The following RAP1GAP2 variants were observed in gnomAD, a reference collection of about 807,000 sequenced individuals.
RAP1GAP2 encodes rap1 GTPase-activating protein 2.
Under a neutral mutation model 95.0 loss-of-function variants are expected in RAP1GAP2, and 27 were observed. The observed-to-expected ratio is 0.28, with a 90% CI of 0.21 to 0.39. The LOEUF is 0.39. RAP1GAP2 is among the 10% of genes least tolerant of loss of function. The probability of loss-of-function intolerance (pLI) is 1.00; values close to 1 mark genes in which losing one functional copy is unlikely to be tolerated. For synonymous variants in RAP1GAP2, 373 were observed against 380.9 expected, an observed-to-expected ratio of 0.98 and a Z score of 0.24; for missense variants, 771 against 970.0, an observed-to-expected ratio of 0.79 and a Z score of 2.72.
At chr17:2,930,653 C>T (rs1456426348) in intron 3 of RAP1GAP2, among the ~76,000 whole-genome samples, 1 of 152,224 alleles carries the variant, frequency 6.6e-6, no homozygotes, top group Non-Finnish European at 1.5e-5. Context: ...GGTAGAAAAG[C>T]TGTCGGATTG....
At position 3,035,486 on chromosome 17, in the gene RAP1GAP2, C is replaced by T. The variant is rs2047444747; in HGVS notation, c.*2125C>T. On this transcript the variant is annotated 3_prime_UTR_variant, in exon 25 of 25. Transcript: ENST00000254695. The surrounding 1 kb of genome is among the most constrained non-coding windows in gnomAD (Gnocchi z 4.3). ...CACTGCGCTGGCTGACCCTTGCTGC[C>T]TGCTGCCTCTTGGGAGGGCTTTGTC... 1 of 152,612 alleles carries T rather than the reference C, an allele frequency of 6.6e-6. No individual in the cohort carries two copies. The highest frequency in any genetic ancestry group is 6.5e-5 in the Admixed American group (1 of 15,290). The allele number at this position is 152,612 out of a possible 1,614,324, so 9.5% of individuals were successfully genotyped here.
upstream of RAP1GAP2, among the ~76,000 whole-genome samples, chr17:2,793,361 C>A (rs1245075438): frequency 6.6e-6 from 1 of 152,156 alleles, no homozygotes; most frequent in Non-Finnish European, 1.5e-5. Flanking sequence ...ACCATGTTGG[C>A]CAGGCTGGTC....
At chr17:2,811,211 C>T (rs927974510) in intron 2 of RAP1GAP2, among the ~76,000 whole-genome samples, 6 of 152,120 alleles carry the variant, frequency 3.9e-5, no homozygotes, top group Non-Finnish European at 8.8e-5. Context: ...TGATCTTTGT[C>T]GGAAGGGTTC....
chr17:2,801,565 G>T (rs549718267), intron 2 of RAP1GAP2, among the ~76,000 whole-genome samples: 108 of 150,264 alleles, frequency 7.2e-4, no homozygotes, highest in African/African-American at 2.5e-3. Flanking sequence ...GACATTCCCC[G>T]CCTACTAGGA....
chr17:2,957,965 G>T (rs560807545), intron 4 of RAP1GAP2, among the ~76,000 whole-genome samples, 171 bp downstream of exon 4: 24 of 152,232 alleles, frequency 1.6e-4, no homozygotes, highest in South Asian at 4.2e-4. Flanking sequence ...GCTGTTGAGG[G>T]GTACGGAGCA....
chr17:2,843,944 A>G (rs1487991211), intron 2 of RAP1GAP2, among the ~76,000 whole-genome samples: 7 of 152,074 alleles, frequency 4.6e-5, no homozygotes, highest in Non-Finnish European at 8.8e-5. Flanking sequence ...GCGGGGGTGG[A>G]GGAAATGGAC....
Position 2,862,001 on chromosome 17 carries a change from T to C in RAP1GAP2, c.81-43283T>C, listed in dbSNP as rs150788316. On this transcript the variant is annotated intron_variant, in intron 2 of 24. Coordinates refer to ENST00000254695, the MANE Select transcript of RAP1GAP2 (RefSeq NM_015085.5). ...TCAGCGCCCTTTCTTTTGTCTGAGA[T>C]TGGGGACTGTCTCCCTTCTCTCTCC... Among the ~76,000 whole-genome samples, 5 of 152,304 alleles carry C rather than the reference T, an allele frequency of 3.3e-5. No homozygotes were observed. In the East Asian group the frequency reaches 7.7e-4, roughly 24 times the overall value.
chr17:3,026,921 G>T, intron 21 of RAP1GAP2, 23 bp from the exon 22 acceptor site: 1 of 1,546,324 alleles, frequency 6.5e-7, no homozygotes, highest in Non-Finnish European at 8.7e-7. Context: ...GGCTGGCCTC[G>T]CTCACCCTGC....
chr17:2,800,775 G>A (rs898295624), intron 2 of RAP1GAP2, among the ~76,000 whole-genome samples: 6 of 152,008 alleles, frequency 3.9e-5, no homozygotes, highest in Admixed American at 6.6e-5. Context: ...GGGCTAGAAT[G>A]GTGGGAGTGT....
chr17:2,996,280 C>G (rs531633068), intron 13 of RAP1GAP2, among the ~76,000 whole-genome samples: 1 of 152,218 alleles, frequency 6.6e-6, no homozygotes, highest in Non-Finnish European at 1.5e-5. Flanking sequence ...GCTGCTCTGA[C>G]AGCCGTGCAT....
In RAP1GAP2 at chr17:2,845,637, C is replaced by T. The variant is rs903106128; in HGVS notation, c.80+45087C>T. Reference sequence around the variant, plus strand: ...CAGCACTTTGAGAGGCTGAGGCGGGCGGATCATGAGGTCAGGAGTTCGAGA... The same window carrying T: ...CAGCACTTTGAGAGGCTGAGGCGGGTGGATCATGAGGTCAGGAGTTCGAGA... On this transcript the variant is annotated intron_variant, in intron 2 of 24. Coordinates refer to ENST00000254695, the MANE Select transcript of RAP1GAP2 (RefSeq NM_015085.5). 3.3e-3 allele frequency among the ~76,000 whole-genome samples: 484 copies of T among 147,700 alleles called. 17 individuals carry two copies. The highest frequency in any genetic ancestry group is 4.8e-4 in the Non-Finnish European group (32 of 66,808).
intron 8 of RAP1GAP2, 120 bp from the exon 9 acceptor site, chr17:2,980,167 T>G: frequency 1.2e-6 from 1 of 844,556 alleles, no homozygotes; most frequent in South Asian, 1.5e-5. Context: ...GGTCTCGAAC[T>G]CCTGACCTCA....
In RAP1GAP2 at chr17:2,943,678, C is replaced by CAA. The variant is rs59361947; in HGVS notation, c.166-14073_166-14072dup. On this transcript the variant is annotated intron_variant, in intron 3 of 24. Coordinates refer to ENST00000254695, the MANE Select transcript of RAP1GAP2 (RefSeq NM_015085.5). ...AGACTCTGTCTCCAAAACAAACAAACAAAAAAAAACAAACAAAAACCAAAC... is the reference window on the plus strand; with the variant it reads ...AGACTCTGTCTCCAAAACAAACAAACAAAAAAAAAAACAAACAAAAACCAAAC... 6.0e-3 allele frequency among the ~76,000 whole-genome samples: 906 copies of CAA among 151,846 alleles called. 11 individuals are homozygous for CAA. Among genetic ancestry groups the CAA allele is most frequent in the African/African-American group, 0.02 (827 of 41,346 alleles).
At chr17:2,890,580 C>T (rs1567747594) in intron 2 of RAP1GAP2, among the ~76,000 whole-genome samples, 1 of 151,946 alleles carries the variant, frequency 6.6e-6, no homozygotes, top group Non-Finnish European at 1.5e-5. Context: ...GGCTCCTTTT[C>T]TTCTTGGGCT....
chr17:2,776,856 A>AGGG (rs1369991634), upstream of RAP1GAP2, among the ~76,000 whole-genome samples: 1 of 125,174 alleles, frequency 8.0e-6, no homozygotes, highest in Non-Finnish European at 1.7e-5. Flanking sequence ...GAGGAGGAGG[A>AGGG]GGGGGCTGGG....
intron 1 of RAP1GAP2, among the ~76,000 whole-genome samples, chr17:2,757,432 C>A (rs1323804343): frequency 6.6e-6 from 1 of 152,100 alleles, no homozygotes; most frequent in African/African-American, 2.4e-5. Context: ...CAGAGGTAAT[C>A]CACTTTTGAA....
chr17:2,990,514 T>C (rs967866051), intron 11 of RAP1GAP2, among the ~76,000 whole-genome samples: 3 of 152,186 alleles, frequency 2.0e-5, no homozygotes, highest in Admixed American at 1.3e-4. Context: ...TGACTCTGCG[T>C]TTAGCCTTTG....
At chr17:2,991,165 C>A in intron 11 of RAP1GAP2, 132 bp from the exon 12 acceptor site, 1 of 719,460 alleles carries the variant, frequency 1.4e-6, no homozygotes, top group Non-Finnish European at 2.4e-6. Context: ...CCACTGAGGG[C>A]AGCTATGGTG....
chr17:2,852,720 C>G (rs1185557785), intron 2 of RAP1GAP2, among the ~76,000 whole-genome samples: 1 of 152,202 alleles, frequency 6.6e-6, no homozygotes, highest in Non-Finnish European at 1.5e-5. Context: ...TTCCTTTTCC[C>G]TAGAGGGGCA....
Sources: allele counts gnomAD v4.1 joint callset (sites outside exome capture counted in the v4.1 genomes callset), GRCh38; gene constraint gnomAD v4.1.1; non-coding constraint Gnocchi (gnomAD v3.1); transcripts MANE v1.5; gene names NCBI Gene and HGNC (gene_info 2026-07-23, HGNC 2026-07-21).